The following PCNT variants were observed in gnomAD, a reference collection of about 807,000 sequenced individuals.
The protein encoded by PCNT is pericentrin, also known as kendrin.
Under a neutral mutation model 380.4 loss-of-function variants are expected in PCNT, and 319 were observed. The observed-to-expected ratio is 0.84, with a 90% confidence interval of 0.77 to 0.92. The LOEUF is 0.92. PCNT is among the 40% of genes least tolerant of loss of function. The probability of loss-of-function intolerance (pLI) is 0.00; values close to 1 mark genes in which losing one functional copy is unlikely to be tolerated. For missense variants in PCNT, 4,400 were observed against 4,255.3 expected (o/e 1.03, Z -0.95); for synonymous variants, 1,845 against 1,735.2 (o/e 1.06, Z -1.57).
chr21:46,403,741 TTG>T (rs2086524983), intron 27 of PCNT, among the ~76,000 whole-genome samples: 2 of 45,180 alleles, frequency 4.4e-5, no homozygotes, highest in East Asian at 7.5e-4. Context: ...TAGTGTGTGT[TTG>T]GTGCCCACGC....
At chr21:46,405,929 G>A (rs980587590) in intron 27 of PCNT, among the ~76,000 whole-genome samples, 2 of 152,102 alleles carry the variant, frequency 1.3e-5, no homozygotes, top group African/African-American at 4.8e-5. Context: ...GTGCAAATTC[G>A]TACATCCTTC....
At chr21:46,344,870 C>G (rs1259989610) in intron 3 of PCNT, among the ~76,000 whole-genome samples, 1 of 152,228 alleles carries the variant, frequency 6.6e-6, no homozygotes, top group East Asian at 1.9e-4. Context: ...CTTTCTGTGG[C>G]TCGACCTGTG....
intron 21 of PCNT, 53 bp downstream of exon 21, chr21:46,391,429 C>A: frequency 1.4e-6 from 2 of 1,421,470 alleles, no homozygotes; most frequent in Non-Finnish European, 1.9e-6. Context: ...GCGGATACAG[C>A]TGCCACGGTT....
At chr21:46,414,454 A>AT (rs2086929134) in intron 29 of PCNT, among the ~76,000 whole-genome samples, 1 of 28,372 alleles carries the variant, frequency 3.5e-5, no homozygotes, top group Admixed American at 2.8e-4. Flanking sequence ...ACAGTCGCCC[A>AT]CCCTCCTCCT....
At chr21:46,419,622 G>A (rs919524759) in intron 31 of PCNT, among the ~76,000 whole-genome samples, 2 of 152,178 alleles carry the variant, frequency 1.3e-5, no homozygotes, top group Admixed American at 1.3e-4. Context: ...TTTCTCCTGT[G>A]TGCTTCACTG....
chr21:46,445,198 A>T, intron 46 of PCNT, 86 bp from the exon 47 acceptor site: 1 of 891,918 alleles, frequency 1.1e-6, no homozygotes, highest in Admixed American at 1.7e-5. Context: ...GAATTCAGTG[A>T]TAGTGTTTCA....
At chr21:46,350,926 G>A (rs566475923) in intron 8 of PCNT, among the ~76,000 whole-genome samples, 1 of 152,348 alleles carries the variant, frequency 6.6e-6, no homozygotes, top group African/African-American at 2.4e-5. Context: ...GCCATGCTGC[G>A]CTGGGCTGGG....
At position 46,326,398 on chromosome 21, in the gene PCNT, A is replaced by G. The variant is rs201723088; in HGVS notation, c.76A>G (p.Lys26Glu). The G allele has an allele frequency of 6.2e-7, 1 of 1,614,228 alleles. No homozygotes were observed. Among genetic ancestry groups the G allele is most frequent in the African/African-American group, 1.3e-5 (1 of 75,042 alleles). ...RTKLAHFRQR[K>E]TKGDSSHSEK... is the part of the protein sequence containing the mutation. ...GCAGCTTGCTCACTTCCGACAGAGA[A>G]AAACAAAAGGTGACAGTTCGCATTC... Residue 26 changes from lysine to glutamate, a missense_variant, in exon 2 of 47, where the codon AAA becomes GAA. Physicochemically the swap from Lys to Glu is moderately conservative, Grantham distance 56. Transcript: ENST00000359568.
intron 6 of PCNT, among the ~76,000 whole-genome samples, chr21:46,347,980 C>T (rs1034328844): frequency 1.1e-4 from 16 of 152,220 alleles, no homozygotes. Flanking sequence ...CCAGGCCCTC[C>T]GCTAGAGGGC....
chr21:46,400,841 G>A (rs2086400246), intron 25 of PCNT, among the ~76,000 whole-genome samples: 1 of 152,276 alleles, frequency 6.6e-6, no homozygotes, highest in Non-Finnish European at 1.5e-5. Context: ...ATTCTCGTAA[G>A]TGCTGATGAG....
chr21:46,385,752 A>C, intron 16 of PCNT, 80 bp from the exon 17 acceptor site: 1 of 1,460,372 alleles, frequency 6.8e-7, no homozygotes. Flanking sequence ...CAAATACTGA[A>C]ATTGTGTTGA....
At chr21:46,404,052 TC>T (rs2086545818) in intron 27 of PCNT, among the ~76,000 whole-genome samples, 2 of 130,332 alleles carry the variant, frequency 1.5e-5, no homozygotes, top group Non-Finnish European at 1.6e-5. Context: ...TGGCGCGTGC[TC>T]GGTGAATGAA....
intron 2 of PCNT, among the ~76,000 whole-genome samples, chr21:46,329,403 G>T (rs2083485333): frequency 6.6e-6 from 1 of 152,348 alleles, no homozygotes; most frequent in African/African-American, 2.4e-5. Flanking sequence ...GAAAGGAATA[G>T]AGTTGTTGGT....
chr21:46,370,951 T>C (rs893454292), intron 15 of PCNT, among the ~76,000 whole-genome samples: 14 of 152,116 alleles, frequency 9.2e-5, no homozygotes, highest in African/African-American at 2.4e-5. Flanking sequence ...AGGAGAGTGG[T>C]GTGAACCCGG....
chr21:46,340,862 C>T (rs563140235), intron 3 of PCNT, among the ~76,000 whole-genome samples: 18 of 151,568 alleles, frequency 1.2e-4, no homozygotes, highest in African/African-American at 3.2e-4. Flanking sequence ...TTAGTAGAGA[C>T]GGGGTTTTGC....
rs372603301 is a variant in PCNT at position 46,428,435 on chromosome 21, C to T, written c.7535C>T (p.Pro2512Leu). The T allele has an allele frequency of 3.0e-5, 49 of 1,612,410 alleles. No individual in the cohort carries two copies. In the East Asian group the frequency reaches 4.9e-4, roughly 16 times the overall value. The change falls in exon 35 of 47, where the codon CCG becomes CTG. Residue 2512 changes from proline to leucine, a missense_variant. Coordinates refer to ENST00000359568, the MANE Select transcript of PCNT (RefSeq NM_006031.6). ...QEKSLEHLRL[P>L]DRSSLLSEIQ... ...AAGTCCCTGGAGCATCTTCGCTTGC[C>T]GGACCGGAGCAGCCTGCTGTCCGAG... is the stretch of plus-strand genomic sequence containing the variant.
Position 46,440,120 on chromosome 21 carries a change from C to A in PCNT, c.9311C>A (p.Ala3104Asp). The change falls in exon 42 of 47, where the codon GCT (alanine) becomes GAT (aspartate). Residue 3104 changes from alanine (A) to aspartate (D), a missense_variant. Coordinates refer to ENST00000359568, the MANE Select transcript of PCNT (RefSeq NM_006031.6). The stretch of plus-strand genomic sequence containing the variant: ...TCTGCTTGGAAGCCAGACGAAACGG[C>A]TCCACAGAGTTCCCTGAGGCGCCCA... ...ERSAWKPDETAPQSSLRRPDP... is the reference protein window; with the variant it reads ...ERSAWKPDETDPQSSLRRPDP... 6.2e-7 allele frequency: 1 copy of A among 1,614,140 alleles called. No individual in the cohort carries two copies. The highest frequency in any genetic ancestry group is 8.5e-7 in the Non-Finnish European group (1 of 1,180,000).
At chr21:46,432,830 A>G (rs918443489) in intron 38 of PCNT, among the ~76,000 whole-genome samples, 1 of 152,046 alleles carries the variant, frequency 6.6e-6, no homozygotes, top group Admixed American at 6.6e-5. Context: ...CATGTTGGCC[A>G]GGCTGGTCTC....
intron 27 of PCNT, among the ~76,000 whole-genome samples, chr21:46,405,905 T>C (rs2086607795): frequency 6.6e-6 from 1 of 152,232 alleles, no homozygotes; most frequent in Non-Finnish European, 1.5e-5. Context: ...TTGTGGGATT[T>C]TTCTTACAGA....
Sources: gnomAD v4.1 joint callset for allele counts (sites outside exome capture counted in the v4.1 genomes callset) on GRCh38, gnomAD v4.1.1 for gene constraint, MANE v1.5 for transcripts, NCBI Gene and HGNC (gene_info 2026-07-23, HGNC 2026-07-21) for gene names.